SMG7: variants seen among roughly 807,000 people sequenced by gnomAD.
The protein encoded by SMG7 is nonsense-mediated mRNA decay factor SMG7.
Under a neutral mutation model 148.2 loss-of-function variants are expected in SMG7, and 34 were observed. The ratio of observed to expected loss-of-function variants is 0.23; its 90% CI spans 0.17 to 0.31. SMG7 has a LOEUF of 0.31. Ranked by LOEUF, SMG7 falls within the 10% of genes least tolerant of loss-of-function variation. The pLI is 1.00. For synonymous variants in SMG7, 492 were observed against 515.1 expected (o/e 0.96, Z 0.61); for missense variants, 1,114 against 1,408.4 (o/e 0.79, Z 3.35).
chr1:183,515,056 T>C (rs1223065238), intron 2 of SMG7, among the ~76,000 whole-genome samples: 1 of 152,212 alleles, frequency 6.6e-6, no homozygotes, highest in African/African-American at 2.4e-5. Flanking sequence ...TGTCAGTTAT[T>C]GCAATCATAA....
At chr1:183,473,785 C>G in intron 1 of SMG7, 1 of 984,934 alleles carries the variant, frequency 1.0e-6, no homozygotes, top group Non-Finnish European at 1.2e-6. Flanking sequence ...TCATACCTTG[C>G]GGAGGAGGGA....
Position 183,550,799 on chromosome 1 carries a change from G to T in SMG7, c.3182G>T (p.Ser1061Ile). 1 of 1,614,064 alleles carries T rather than the reference G, an allele frequency of 6.2e-7. No individual in the cohort carries two copies. Among genetic ancestry groups the T allele is most frequent in the Non-Finnish European group, 8.5e-7 (1 of 1,179,984 alleles). The change falls in exon 21 of 23, where the codon AGC (serine) becomes ATC (isoleucine). Residue 1061 changes from serine (S) to isoleucine (I), a missense_variant. Transcript: ENST00000688051. ...SQSPHSSNPS[S>I]LPSSPPTHNH... ...TCTCCTCATTCCTCTAACCCAAGCA[G>T]CCTACCCAGCTCTCCTCCAACACAC...
At chr1:183,472,822 G>A (rs1391601355) in intron 1 of SMG7, 173 bp downstream of exon 1, 5 of 513,522 alleles carry the variant, frequency 9.7e-6, no homozygotes, top group Non-Finnish European at 1.6e-5. Context: ...AACGGGTATG[G>A]GTGCCTAGCC....
Position 183,512,828 on chromosome 1 carries a change from T to TTC in SMG7, c.30-9_30-8insTC, listed in dbSNP as rs1662468730. The TTC allele has an allele frequency of 1.3e-6, 2 of 1,571,386 alleles. No homozygotes were observed. The highest frequency in any genetic ancestry group is 8.6e-7 in the Non-Finnish European group (1 of 1,165,800). ...ATACTCTTTTTTTTTTTTTTTTTTT[T>TTC]CTATCTAGGCAGGCAGAAGTCCTGA... On this transcript the variant is annotated splice_polypyrimidine_tract_variant and intron_variant, in intron 1 of 22. Coordinates refer to ENST00000688051, the MANE Select transcript of SMG7 (RefSeq NM_001375584.1).
At chr1:183,478,739 G>A (rs1226951789) in intron 1 of SMG7, among the ~76,000 whole-genome samples, 1 of 150,652 alleles carries the variant, frequency 6.6e-6, no homozygotes, top group Non-Finnish European at 1.5e-5. Context: ...CCTGCCTCCG[G>A]CTAGCCTTTC....
chr1:183,474,334 G>C (rs1458610234), intron 1 of SMG7, among the ~76,000 whole-genome samples: 1 of 152,214 alleles, frequency 6.6e-6, no homozygotes, highest in African/African-American at 2.4e-5. Context: ...AGGCCTAGGC[G>C]GGAGGATCAC....
chr1:183,546,453 A>C lies in SMG7; in HGVS notation c.2742+116A>C, dbSNP rs962313512. 8 of 1,089,068 alleles carry C rather than the reference A, an allele frequency of 7.3e-6. No individual in the cohort carries two copies. The African/African-American group carries it at 9.5e-5, about 13-fold the overall frequency. The allele number at this position is 1,089,068 out of a possible 1,614,324, so 67.5% of individuals were successfully genotyped here. ...CACTCTTATTCGTTAGTACTATAGA[A>C]TGCCACTGAGTATTGGTGTAGCTCT... On this transcript the variant is annotated intron_variant, in intron 17 of 22. Coordinates refer to ENST00000688051, the MANE Select transcript of SMG7 (RefSeq NM_001375584.1).
intron 1 of SMG7, among the ~76,000 whole-genome samples, chr1:183,488,487 A>G (rs1656066969): frequency 6.6e-6 from 1 of 152,184 alleles, no homozygotes; most frequent in South Asian, 2.1e-4. Context: ...TGTGCTGTCC[A>G]GTGTGGTAGC....
rs150401742 is a variant in SMG7 at position 183,518,129 on chromosome 1, G to A, written c.312+309G>A. On this transcript the variant is annotated intron_variant, in intron 4 of 22. Coordinates refer to ENST00000688051, the MANE Select transcript of SMG7 (RefSeq NM_001375584.1). ...CGCCTGACTAATTTTTGTATTTTTT[G>A]TAGAGATGGAGTCTCGCTATGTTGC... 8.7e-4 allele frequency among the ~76,000 whole-genome samples: 132 copies of A among 152,120 alleles called. 2 individuals are homozygous for A. The East Asian group carries it at 0.018, about 21-fold the overall frequency.
chr1:183,479,937 A>C (rs1401051211), intron 1 of SMG7, among the ~76,000 whole-genome samples: 1 of 152,158 alleles, frequency 6.6e-6, no homozygotes, highest in Non-Finnish European at 1.5e-5. Flanking sequence ...ATTCCAAATA[A>C]GTTTTTTAAA....
chr1:183,505,559 C>T (rs115521226), intron 1 of SMG7, among the ~76,000 whole-genome samples: 1,573 of 152,276 alleles, frequency 0.01, 27 homozygotes, highest in African/African-American at 0.036. Flanking sequence ...GTACTGATCA[C>T]GTCAGTGCTG....
At chr1:183,524,311 G>C (rs1161401371) in intron 4 of SMG7, among the ~76,000 whole-genome samples, 1 of 152,084 alleles carries the variant, frequency 6.6e-6, no homozygotes, top group Non-Finnish European at 1.5e-5. Context: ...TGTAGAGACA[G>C]ATTCTTGCTT....
chr1:183,507,508 C>T (rs1286866262), intron 1 of SMG7, among the ~76,000 whole-genome samples: 1 of 152,154 alleles, frequency 6.6e-6, no homozygotes, highest in African/African-American at 2.4e-5. Context: ...ATGACCTTAA[C>T]TAACGATACT....
rs370124904 is a variant in SMG7 at position 183,531,968 on chromosome 1, T to G, written c.844-1196T>G. Among the ~76,000 whole-genome samples, 10 of 152,276 alleles carry G rather than the reference T, an allele frequency of 6.6e-5. No individual in the cohort carries two copies. The East Asian group carries it at 1.5e-3, about 23-fold the overall frequency. On this transcript the variant is annotated intron_variant, in intron 8 of 22. Transcript: ENST00000688051. ...TGAGGAAAGATTAATGCTTGATGTC[T>G]TTGGAAAAGGGCTAATCATTCTAGA...
intron 1 of SMG7, among the ~76,000 whole-genome samples, chr1:183,485,333 T>A (rs1655182696): frequency 6.6e-6 from 1 of 152,204 alleles, no homozygotes; most frequent in Non-Finnish European, 1.5e-5. Flanking sequence ...TGAACACTCT[T>A]CTCATCAGTG....
chr1:183,521,703 A>G (rs1051040810), intron 4 of SMG7, among the ~76,000 whole-genome samples: 1 of 151,892 alleles, frequency 6.6e-6, no homozygotes, highest in Non-Finnish European at 1.5e-5. Context: ...CTATTCTACA[A>G]AGAATCTAAA....
chr1:183,509,229 A>G (rs1289628348), intron 1 of SMG7, among the ~76,000 whole-genome samples: 1 of 152,228 alleles, frequency 6.6e-6, no homozygotes, highest in Admixed American at 6.5e-5. Context: ...GCATTCGAGT[A>G]TAAAATTTAT....
At chr1:183,507,901 A>T (rs991804401) in intron 1 of SMG7, among the ~76,000 whole-genome samples, 1 of 152,124 alleles carries the variant, frequency 6.6e-6, no homozygotes, top group Non-Finnish European at 1.5e-5. Context: ...TGCTTAATAG[A>T]ATTGCTTAAT....
At chr1:183,529,350 A>G (rs2102603476) in intron 7 of SMG7, 48 bp from the exon 8 acceptor site, 1 of 1,597,696 alleles carries the variant, frequency 6.3e-7, no homozygotes, top group Admixed American at 1.8e-5. Context: ...AAACAGTTGT[A>G]GCCAATTTGC....
Sources: gnomAD v4.1 joint callset for allele counts (sites outside exome capture counted in the v4.1 genomes callset) on GRCh38, gnomAD v4.1.1 for gene constraint, MANE v1.5 for transcripts, NCBI Gene and HGNC (gene_info 2026-07-23, HGNC 2026-07-21) for gene names.